The following BTG4 variants were observed in gnomAD, a reference collection of about 807,000 sequenced individuals.
BTG4 encodes the protein BTG anti-proliferation factor 4.
In BTG4, 10 loss-of-function variants were observed where a neutral mutation model predicts 19.3. The ratio of observed to expected loss-of-function variants is 0.52; its 90% CI spans 0.32 to 0.88. The LOEUF is 0.88. BTG4 is among the 40% of genes least tolerant of loss of function. BTG4 has a pLI of 0.04. For missense variants in BTG4, 238 were observed against 281.9 expected (o/e 0.84, Z 1.11); for synonymous variants, 91 against 95.7 (o/e 0.95, Z 0.29).
chr11:111,485,100 C>T (rs542306156), intron 5 of BTG4, among the ~76,000 whole-genome samples: 24 of 152,100 alleles, frequency 1.6e-4, no homozygotes, highest in African/African-American at 5.5e-4. Context: ...CACTGGAGCA[C>T]CCGGATTTAT....
At chr11:111,409,669 T>C in the BTG4 span, among the ~76,000 whole-genome samples, 1 of 152,300 alleles carries the variant, frequency 6.6e-6, no homozygotes, top group Admixed American at 6.5e-5. Context: ...GGTATTCCTT[T>C]ATAGCAACAC....
At chr11:111,385,098 CAA>C in the BTG4 span, 1 of 151,870 alleles carries the variant, frequency 6.6e-6, no homozygotes, top group African/African-American at 2.4e-5. Context: ...TTTTTTATAA[CAA>C]AAAATAAAAC....
At chr11:111,439,833 C>A in the BTG4 span, among the ~76,000 whole-genome samples, 1 of 152,144 alleles carries the variant, frequency 6.6e-6, no homozygotes, top group South Asian at 2.1e-4. Context: ...TCCGCCCGGT[C>A]ATTTTGAGAA....
At chr11:111,406,099 A>G in the BTG4 span, among the ~76,000 whole-genome samples, 1 of 152,254 alleles carries the variant, frequency 6.6e-6, no homozygotes, top group Non-Finnish European at 1.5e-5. Flanking sequence ...GATGCAATTT[A>G]AGATTAGAAG....
the BTG4 span, among the ~76,000 whole-genome samples, chr11:111,429,495 G>GA: frequency 6.6e-6 from 1 of 152,170 alleles, no homozygotes. Context: ...AAGCCAAGAA[G>GA]AAAGATGCTT....
chr11:111,444,508 T>C, the BTG4 span, among the ~76,000 whole-genome samples: 3 of 151,866 alleles, frequency 2.0e-5, no homozygotes, highest in Non-Finnish European at 4.4e-5. Flanking sequence ...CCAAAACAAA[T>C]AGAAAGAATG....
chr11:111,439,135 A>T, the BTG4 span, among the ~76,000 whole-genome samples: 1 of 152,240 alleles, frequency 6.6e-6, no homozygotes, highest in African/African-American at 2.4e-5. Context: ...ACACAATGCC[A>T]GGCACAACAA....
intron 5 of BTG4, among the ~76,000 whole-genome samples, chr11:111,478,955 AG>A (rs1433239323): frequency 2.0e-5 from 2 of 98,286 alleles, no homozygotes; most frequent in African/African-American, 6.1e-5. Context: ...AAAAATACTC[AG>A]AGAATAGCTG....
intron 1 of BTG4, among the ~76,000 whole-genome samples, chr11:111,507,028 A>G (rs1157132880): frequency 1.3e-5 from 2 of 152,058 alleles, no homozygotes; most frequent in Non-Finnish European, 2.9e-5. Context: ...AAGATAACAA[A>G]TGAGGATTAT....
chr11:111,497,530 A>T, intron 3 of BTG4, 121 bp from the exon 4 acceptor site: 3 of 581,616 alleles, frequency 5.2e-6, no homozygotes, highest in Non-Finnish European at 8.0e-6. Context: ...AAATTGAAGG[A>T]CATTATGACC....
the BTG4 span, chr11:111,457,847 C>T: frequency 6.6e-6 from 1 of 152,364 alleles, no homozygotes; most frequent in African/African-American, 2.4e-5. Context: ...TCTTCCAGCT[C>T]AGCTACTTGT....
the BTG4 span, among the ~76,000 whole-genome samples, chr11:111,437,134 C>T: frequency 5.9e-5 from 9 of 152,118 alleles, no homozygotes; most frequent in African/African-American, 2.2e-4. Context: ...CCCAGCAGCC[C>T]CCACCCTCAG....
chr11:111,432,601 G>A, the BTG4 span, among the ~76,000 whole-genome samples: 3 of 152,098 alleles, frequency 2.0e-5, no homozygotes, highest in South Asian at 2.1e-4. Context: ...CTGAGACCAC[G>A]CTGTTGCACT....
At chr11:111,461,724 A>T in the BTG4 span, among the ~76,000 whole-genome samples, 352 of 152,252 alleles carry the variant, frequency 2.3e-3, 1 homozygote, top group African/African-American at 1.6e-3. Flanking sequence ...AAAAATAAAT[A>T]AATTAATTAA....
downstream of BTG4, among the ~76,000 whole-genome samples, chr11:111,494,449 T>G (rs1865597584): frequency 6.6e-6 from 1 of 152,192 alleles, no homozygotes; most frequent in South Asian, 2.1e-4. Context: ...CCTTCCTAAT[T>G]TTAAAATCTA....
chr11:111,437,088 G>A, the BTG4 span, among the ~76,000 whole-genome samples: 1 of 152,054 alleles, frequency 6.6e-6, no homozygotes, highest in East Asian at 1.9e-4. Flanking sequence ...TCATCATCTG[G>A]AACTCTTCCT....
At chr11:111,513,600 G>A, upstream of BTG4, 1 of 430,506 alleles carries the variant, frequency 2.3e-6, no homozygotes, top group Admixed American at 2.5e-5. Context: ...TTCATCCATT[G>A]CCTATTAATT....
chr11:111,470,573 T>A (rs182174283), intron 5 of BTG4, among the ~76,000 whole-genome samples: 1 of 152,192 alleles, frequency 6.6e-6, no homozygotes, highest in South Asian at 2.1e-4. Context: ...CCCAAACTTA[T>A]GGTGTGCTGT....
At chr11:111,497,181 A>C (rs761779790) in intron 4 of BTG4, 30 bp downstream of exon 4, 2 of 1,579,594 alleles carry the variant, frequency 1.3e-6, no homozygotes, top group South Asian at 2.3e-5. Flanking sequence ...ATAGAAAAAA[A>C]GTATAGAAAA....
Sources: allele counts gnomAD v4.1 joint callset (sites outside exome capture counted in the v4.1 genomes callset), GRCh38; gene constraint gnomAD v4.1.1; transcripts MANE v1.5; gene names NCBI Gene and HGNC (gene_info 2026-07-23, HGNC 2026-07-21).